C17orf75: variants seen among roughly 807,000 people sequenced by gnomAD.
C17orf75 encodes the protein protein Njmu-R1.
Under a neutral mutation model 49.6 loss-of-function variants are expected in C17orf75, and 32 were observed. The observed-to-expected ratio is 0.65, with a 90% CI of 0.49 to 0.87. The LOEUF (loss-of-function observed/expected upper bound fraction) is 0.87. Ranked by LOEUF, C17orf75 falls within the 40% of genes least tolerant of loss-of-function variation. C17orf75 has a pLI of 0.00. For missense variants in C17orf75, 428 were observed against 473.9 expected (o/e 0.90, Z 0.90); for synonymous variants, 158 against 159.5 (o/e 0.99, Z 0.07).
upstream of C17orf75, among the ~76,000 whole-genome samples, chr17:32,344,605 AAAG>A (rs2041410911): frequency 1.3e-5 from 2 of 150,118 alleles, no homozygotes; most frequent in African/African-American, 4.9e-5. Flanking sequence ...AAAAAAAAAA[AAAG>A]AAAGAAAGAA....
In C17orf75 at chr17:32,342,064, C is replaced by T; in HGVS notation, c.76G>A (p.Glu26Lys). Residue 26 changes from glutamate to lysine, a missense_variant, in exon 1 of 10, where the codon GAG (glutamate) becomes AAG (lysine). Transcript: ENST00000577809. ...GACGGCGGCTCGAGTCTCCGCTCCT[C>T]GGCTGAGCCTCCCTCTTCGCTGCTC... is the stretch of plus-strand genomic sequence containing the variant. ...LESSEEGGSA[E>K]ERRLEPPSSS... 1.9e-6 allele frequency: 3 copies of T among 1,570,026 alleles called. No individual in the cohort carries two copies. Among genetic ancestry groups the T allele is most frequent in the Non-Finnish European group, 8.6e-7 (1 of 1,159,884 alleles).
At chr17:32,345,485 A>G (rs1597740946), upstream of C17orf75, among the ~76,000 whole-genome samples, 2 of 152,064 alleles carry the variant, frequency 1.3e-5, no homozygotes, top group Non-Finnish European at 1.5e-5. Flanking sequence ...CAGGGGGGAA[A>G]AAAGAAATAG....
chr17:32,340,043 G>A, intron 2 of C17orf75, 105 bp from the exon 3 acceptor site: 1 of 1,376,088 alleles, frequency 7.3e-7, no homozygotes, highest in Non-Finnish European at 9.8e-7. Context: ...TAAGGACTGG[G>A]GAAAGCTGTC....
Position 32,348,867 on chromosome 17 carries a change from C to CTTTTTTTTTTTTTTT in C17orf75, c.-7+1060_-7+1074dup, listed in dbSNP as rs561014138. Among the ~76,000 whole-genome samples the CTTTTTTTTTTTTTTT allele has an allele frequency of 3.9e-4, 42 of 108,856 alleles. 1 individual carries two copies. The highest frequency in any genetic ancestry group is 4.4e-4 in the Non-Finnish European group (25 of 56,478). The allele number at this position is 108,856 out of a possible 152,430, so 71.4% of individuals were successfully genotyped here. On this transcript the variant is annotated intron_variant, in intron 1 of 8. Coordinates refer to the C17orf75 transcript ENST00000583774. ...CAGCACCTTCACTGACAGCTCCAGTCTTTTTTTTTTTTTTTTGAGACGGAG... is the reference window on the plus strand; with the variant it reads ...CAGCACCTTCACTGACAGCTCCAGTCTTTTTTTTTTTTTTTTTTTTTTTTTTTTTTTGAGACGGAG...
At chr17:32,334,396 A>G in intron 8 of C17orf75, 73 bp downstream of exon 8, 1 of 1,515,142 alleles carries the variant, frequency 6.6e-7, no homozygotes, top group Non-Finnish European at 8.8e-7. Context: ...ATAAGGTTGT[A>G]TCATAGGCTC....
At chr17:32,342,272 G>T (rs2041389699), upstream of C17orf75, 1 of 1,356,962 alleles carries the variant, frequency 7.4e-7, no homozygotes, top group Non-Finnish European at 9.5e-7. Context: ...GGGTTCGCAG[G>T]CAAGGACTGG....
upstream of C17orf75, among the ~76,000 whole-genome samples, chr17:32,344,793 G>A (rs1254003298): frequency 1.3e-5 from 2 of 151,802 alleles, no homozygotes; most frequent in Non-Finnish European, 2.9e-5. Context: ...TGTAGTCACA[G>A]CTACTCAGGA....
intron 8 of C17orf75, 120 bp from the exon 9 acceptor site, chr17:32,333,640 T>G: frequency 7.3e-6 from 6 of 821,214 alleles, no homozygotes; most frequent in African/African-American, 1.7e-5. Flanking sequence ...GAGTACTAAC[T>G]ATATCGTTAG....
chr17:32,332,518 C>G (rs894917856), intron 9 of C17orf75, among the ~76,000 whole-genome samples: 1 of 152,170 alleles, frequency 6.6e-6, no homozygotes, highest in Non-Finnish European at 1.5e-5. Flanking sequence ...AATCCCAACA[C>G]TTTGGGAGCC....
chr17:32,347,073 G>A (rs900430516), upstream of C17orf75, among the ~76,000 whole-genome samples: 10 of 151,808 alleles, frequency 6.6e-5, no homozygotes, highest in Non-Finnish European at 1.3e-4. Flanking sequence ...GGGTTCTACT[G>A]TCTCAGCCTC....
Position 32,330,448 on chromosome 17 carries a change from A to AAG in C17orf75, c.*1313_*1314dup, listed in dbSNP as rs1386343152. ...AGCATCCTCAGGGAAGTGAGAACAC[A>AAG]AGACTTCTGTTCTTCTAAGCAAAAA... On this transcript the variant is annotated 3_prime_UTR_variant, in exon 10 of 10. Transcript: ENST00000577809. The AAG allele has an allele frequency of 6.6e-6, 1 of 152,210 alleles. No individual in the cohort carries two copies. Among genetic ancestry groups the AAG allele is most frequent in the Non-Finnish European group, 1.5e-5 (1 of 68,038 alleles). The allele number at this position is 152,210 out of a possible 1,614,324, so 9.4% of individuals were successfully genotyped here. A position where few individuals can be genotyped will look rare whatever the true frequency, so the allele number is the denominator to read the frequency against.
intron 9 of C17orf75, among the ~76,000 whole-genome samples, chr17:32,333,213 A>G (rs1446587234): frequency 6.6e-6 from 1 of 152,238 alleles, no homozygotes; most frequent in Admixed American, 6.5e-5. Context: ...AATATAAGCA[A>G]GCATTCAACC....
chr17:32,332,076 G>C, intron 9 of C17orf75, 98 bp from the exon 10 acceptor site: 1 of 975,470 alleles, frequency 1.0e-6, no homozygotes, highest in Non-Finnish European at 1.5e-6. Flanking sequence ...ATATCTTCCT[G>C]AATTGTTTGC....
chr17:32,337,461 TA>T lies in C17orf75; in HGVS notation c.549+435del, dbSNP rs1026935238. ...CTGGGCAACAAAGCAAGACCCTGTCTAAAAAAAAAAAAAATTCACCTCTCTA... is the reference window on the plus strand; with the variant it reads ...CTGGGCAACAAAGCAAGACCCTGTCTAAAAAAAAAAAAATTCACCTCTCTA... On this transcript the variant is annotated intron_variant, in intron 5 of 9. Coordinates refer to ENST00000577809, the MANE Select transcript of C17orf75 (RefSeq NM_022344.4). Among the ~76,000 whole-genome samples the T allele has an allele frequency of 2.7e-3, 389 of 143,014 alleles. 2 individuals carry two copies. The highest frequency in any genetic ancestry group is 5.3e-3 in the African/African-American group (207 of 39,162). 93.8% of individuals were successfully genotyped at this position (143,014 alleles called of 152,430 possible).
Position 32,341,840 on chromosome 17 carries a change from G to A in C17orf75, c.140+160C>T, listed in dbSNP as rs1188792519. The A allele has an allele frequency of 3.7e-6, 4 of 1,073,902 alleles. No homozygotes were observed. In the East Asian group the frequency reaches 2.9e-4, roughly 77 times the overall value. The allele number at this position is 1,073,902 out of a possible 1,614,324, so 66.5% of individuals were successfully genotyped here. ...GGCCAGGAAGAGCAGCGGGAGGCGA[G>A]GAGCGCCCTTCAGGCCAGAGACCTT... On this transcript the variant is annotated intron_variant, in intron 1 of 9. Coordinates refer to ENST00000577809, the MANE Select transcript of C17orf75 (RefSeq NM_022344.4).
At chr17:32,349,885 G>A (rs192787254) in intron 1 of C17orf75, 10 of 1,041,332 alleles carry the variant, frequency 9.6e-6, no homozygotes, top group Admixed American at 5.0e-5. Flanking sequence ...TAACTGCACT[G>A]GCAATCTTTT....
chr17:32,333,922 T>A (rs2041301020), intron 8 of C17orf75, among the ~76,000 whole-genome samples: 1 of 152,218 alleles, frequency 6.6e-6, no homozygotes, highest in Non-Finnish European at 1.5e-5. Context: ...TCCTTTCCCA[T>A]CAGAGAGGAT....
chr17:32,346,024 G>T (rs146426650), upstream of C17orf75, among the ~76,000 whole-genome samples: 381 of 152,096 alleles, frequency 2.5e-3, 3 homozygotes, highest in Non-Finnish European at 4.2e-3. Context: ...ATTTCTCTAT[G>T]TATCTATTTT....
intron 9 of C17orf75, among the ~76,000 whole-genome samples, chr17:32,332,633 G>A (rs2041287133): frequency 6.6e-6 from 1 of 152,092 alleles, no homozygotes; most frequent in Non-Finnish European, 1.5e-5. Flanking sequence ...GAGTGTGGTG[G>A]TGCACACCTG....
Sources: gnomAD v4.1 joint callset for allele counts (sites outside exome capture counted in the v4.1 genomes callset) on GRCh38, gnomAD v4.1.1 for gene constraint, MANE v1.5 for transcripts, NCBI Gene and HGNC (gene_info 2026-07-23, HGNC 2026-07-21) for gene names.